The following AUTS2 variants were observed in gnomAD, a reference collection of about 807,000 sequenced individuals.
AUTS2 encodes the protein activator of transcription and developmental regulator AUTS2.
In AUTS2, 17 loss-of-function variants were observed where a neutral mutation model predicts 112.4. That is an observed-to-expected ratio of 0.15 (90% confidence interval 0.10 to 0.23). The LOEUF (loss-of-function observed/expected upper bound fraction) is 0.23. AUTS2 is among the 10% of genes least tolerant of loss of function. The pLI, the probability that AUTS2 is intolerant of heterozygous loss-of-function variation, is 1.00. For missense variants in AUTS2, 1,510 were observed against 1,701.6 expected (o/e 0.89, Z 1.98); for synonymous variants, 751 against 702.7 (o/e 1.07, Z -1.09).
intron 4 of AUTS2, among the ~76,000 whole-genome samples, chr7:70,289,458 C>T (rs2129611710): frequency 6.6e-6 from 1 of 152,308 alleles, no homozygotes; most frequent in Admixed American, 6.5e-5. Flanking sequence ...TGAGGAATGT[C>T]CTATGGGTTG....
At chr7:70,312,042 A>G (rs893077587) in intron 4 of AUTS2, among the ~76,000 whole-genome samples, 6 of 152,082 alleles carry the variant, frequency 3.9e-5, no homozygotes, top group Non-Finnish European at 7.4e-5. Context: ...TATTTTTAAT[A>G]GAGATGAAGT....
intron 5 of AUTS2, among the ~76,000 whole-genome samples, chr7:70,495,479 A>G (rs1040449384): frequency 1.3e-5 from 2 of 151,990 alleles, no homozygotes; most frequent in African/African-American, 4.8e-5. Flanking sequence ...GAGGTTGGTT[A>G]GGGTAAGTAT....
At chr7:69,671,878 A>G (rs943494499) in intron 1 of AUTS2, among the ~76,000 whole-genome samples, 3 of 152,090 alleles carry the variant, frequency 2.0e-5, no homozygotes, top group African/African-American at 7.2e-5. Context: ...ACAATGCAAC[A>G]GAATTAAAAT....
chr7:70,013,051 C>T (rs540567250), intron 2 of AUTS2, among the ~76,000 whole-genome samples: 6 of 152,258 alleles, frequency 3.9e-5, no homozygotes, highest in African/African-American at 1.4e-4. Context: ...TCAATGAAAA[C>T]ACACTTTGCT....
intron 4 of AUTS2, among the ~76,000 whole-genome samples, chr7:70,240,693 A>G (rs760276135): frequency 2.0e-5 from 3 of 152,258 alleles, no homozygotes; most frequent in Non-Finnish European, 2.9e-5. Flanking sequence ...CATGTGCAAT[A>G]TGGTAATTTA....
intron 4 of AUTS2, among the ~76,000 whole-genome samples, chr7:70,321,117 T>A (rs1263437593): frequency 6.6e-6 from 1 of 152,208 alleles, no homozygotes; most frequent in Non-Finnish European, 1.5e-5. Flanking sequence ...ATCTTCCCAA[T>A]TTTGTGAGAT....
At chr7:70,517,656 C>T (rs1799472853) in intron 5 of AUTS2, among the ~76,000 whole-genome samples, 3 of 149,588 alleles carry the variant, frequency 2.0e-5, no homozygotes, top group South Asian at 2.1e-4. Flanking sequence ...GTATAATTTG[C>T]CCAGAAACAA....
chr7:70,698,213 C>G (rs1413738762), intron 5 of AUTS2, among the ~76,000 whole-genome samples: 2 of 152,096 alleles, frequency 1.3e-5, no homozygotes, highest in Non-Finnish European at 1.5e-5. Flanking sequence ...CTGCAAATAC[C>G]ACGAAAAACA....
rs1218977809 is a variant in AUTS2, at chr7:70,766,545, A to G, written c.1689+211A>G. On this transcript the variant is annotated intron_variant, in intron 9 of 18. Coordinates refer to ENST00000342771, the MANE Select transcript of AUTS2 (RefSeq NM_015570.4). The surrounding 1 kb of genome is among the most constrained non-coding windows in gnomAD (Gnocchi z 4.8). Reference sequence around the variant, plus strand: ...TAGGAACTTCTTTCTAGGCAGTTGTATCCAGCACTGCGGGCGGAAATGATT... The same window carrying G: ...TAGGAACTTCTTTCTAGGCAGTTGTGTCCAGCACTGCGGGCGGAAATGATT... 6.6e-6 allele frequency among the ~76,000 whole-genome samples: 1 copy of G among 152,202 alleles called. No individual in the cohort carries two copies. Among genetic ancestry groups the G allele is most frequent in the Non-Finnish European group, 1.5e-5 (1 of 68,040 alleles).
At chr7:70,304,855 A>G (rs1309567631) in intron 4 of AUTS2, among the ~76,000 whole-genome samples, 4 of 150,404 alleles carry the variant, frequency 2.7e-5, no homozygotes, top group African/African-American at 7.4e-5. Flanking sequence ...GCTCTATTTC[A>G]GTAGAATTTA....
chr7:70,581,574 C>T (rs781724246), intron 5 of AUTS2, among the ~76,000 whole-genome samples: 5 of 152,134 alleles, frequency 3.3e-5, no homozygotes, highest in Admixed American at 6.5e-5. Context: ...ATTCATTGGG[C>T]TCTTAACCAG....
intron 4 of AUTS2, among the ~76,000 whole-genome samples, chr7:70,245,112 C>A: frequency 1.9e-5 from 2 of 106,904 alleles, no homozygotes; most frequent in Non-Finnish European, 1.8e-5. Flanking sequence ...AGAGTGAGAT[C>A]CTGCCTCAAA....
chr7:69,993,604 T>C (rs1388163972), intron 2 of AUTS2, among the ~76,000 whole-genome samples: 2 of 152,116 alleles, frequency 1.3e-5, no homozygotes, highest in Non-Finnish European at 2.9e-5. Context: ...TATAGTGGTG[T>C]GTACCTGTGG....
At chr7:70,394,040 G>C (rs1286079627) in intron 4 of AUTS2, among the ~76,000 whole-genome samples, 1 of 152,332 alleles carries the variant, frequency 6.6e-6, no homozygotes, top group Admixed American at 6.5e-5. Flanking sequence ...TTGCCTGGTA[G>C]CTGTCTCCCT....
intron 4 of AUTS2, among the ~76,000 whole-genome samples, chr7:70,362,061 T>A (rs953473538): frequency 6.6e-6 from 1 of 152,128 alleles, no homozygotes; most frequent in African/African-American, 2.4e-5. Flanking sequence ...ACCACAAAAA[T>A]TTCTTAGAAT....
intron 5 of AUTS2, among the ~76,000 whole-genome samples, chr7:70,557,246 T>A (rs1801287586): frequency 6.6e-6 from 1 of 152,184 alleles, no homozygotes; most frequent in Non-Finnish European, 1.5e-5. Flanking sequence ...ACAATTTTGT[T>A]CTTTTCCCTG....
intron 2 of AUTS2, among the ~76,000 whole-genome samples, chr7:70,017,485 C>G (rs186849668): frequency 8.5e-5 from 13 of 152,358 alleles, no homozygotes; most frequent in African/African-American, 2.9e-4. Flanking sequence ...CAGAGCAGTG[C>G]TCCTCCGAGC....
chr7:69,917,134 C>G (rs1322655272), intron 2 of AUTS2, among the ~76,000 whole-genome samples: 1 of 152,118 alleles, frequency 6.6e-6, no homozygotes, highest in East Asian at 1.9e-4. Flanking sequence ...CTGCCTCAGC[C>G]TCCCAAGTAG....
chr7:70,353,725 G>A (rs972405308), intron 4 of AUTS2, among the ~76,000 whole-genome samples: 2 of 152,166 alleles, frequency 1.3e-5, no homozygotes, highest in African/African-American at 4.8e-5. Flanking sequence ...CACACACATG[G>A]CCCAGACTCA....
Sources: gnomAD v4.1 joint callset for allele counts (sites outside exome capture counted in the v4.1 genomes callset) on GRCh38, gnomAD v4.1.1 for gene constraint, Gnocchi (gnomAD v3.1) non-coding constraint, MANE v1.5 for transcripts, NCBI Gene and HGNC (gene_info 2026-07-23, HGNC 2026-07-21) for gene names.